Variants in CLPSL1 observed in about 807,000 individuals in gnomAD.
CLPSL1 encodes colipase like 1, also known as colipase-like protein 1.
In CLPSL1, 13 loss-of-function variants were observed where a neutral mutation model predicts 9.3. The ratio of observed to expected loss-of-function variants is 1.40; its 90% CI spans 0.91 to 2.22. The LOEUF (loss-of-function observed/expected upper bound fraction) is 2.22. Ranked by LOEUF, CLPSL1 falls within the 30% of genes most tolerant of loss-of-function variation. CLPSL1 has a pLI of 0.00. For synonymous variants in CLPSL1, 58 were observed against 56.9 expected (o/e 1.02, Z -0.08); for missense variants, 164 against 146.6 (o/e 1.12, Z -0.61).
At chr6:35,785,946 CAAAAAAAAAA>C (rs35079833) in intron 1 of CLPSL1, among the ~76,000 whole-genome samples, 6 of 110,752 alleles carry the variant, frequency 5.4e-5, no homozygotes, top group Admixed American at 4.0e-4. Flanking sequence ...GAGACTTTGT[CAAAAAAAAAA>C]AAAAAAAAAG....
chr6:35,788,172 G>A (rs564939919), downstream of CLPSL1: 166 of 544,994 alleles, frequency 3.0e-4, no homozygotes, highest in South Asian at 2.4e-3. Flanking sequence ...CAGAGTTGGG[G>A]CCTGGGTGGG....
chr6:35,782,861 G>A lies in CLPSL1; in HGVS notation c.99+1652G>A, dbSNP rs184694524. Among the ~76,000 whole-genome samples the A allele has an allele frequency of 1.6e-4, 24 of 152,242 alleles. No individual in the cohort carries two copies. In the East Asian group the frequency reaches 4.1e-3, roughly 26 times the overall value. On this transcript the variant is annotated intron_variant, in intron 1 of 2. Transcript: ENST00000373861. ...GATGGAAGCAGGGAGGCCGGGAGGCGGCTATAGCCAATCCTCCTTTCCTGC... is the reference window on the plus strand; with the variant it reads ...GATGGAAGCAGGGAGGCCGGGAGGCAGCTATAGCCAATCCTCCTTTCCTGC...
At chr6:35,793,379 C>T (rs1228719432) in intron 1 of CLPSL1, 18 of 449,380 alleles carry the variant, frequency 4.0e-5, no homozygotes, top group Middle Eastern at 3.6e-4. Flanking sequence ...GAGCCGAGAT[C>T]GTGCCACTGC....
At chr6:35,784,796 A>G (rs916686528) in intron 1 of CLPSL1, among the ~76,000 whole-genome samples, 2 of 152,224 alleles carry the variant, frequency 1.3e-5, no homozygotes, top group Non-Finnish European at 2.9e-5. Context: ...AGCAACCTCA[A>G]TTCTTGCCTC....
At chr6:35,790,283 T>C (rs1768161287), downstream of CLPSL1, among the ~76,000 whole-genome samples, 1 of 152,248 alleles carries the variant, frequency 6.6e-6, no homozygotes. Flanking sequence ...GAATATAAAA[T>C]GCTTTAAAAC....
chr6:35,787,585 AC>A (rs1768108168), intron 2 of CLPSL1, among the ~76,000 whole-genome samples: 2 of 152,244 alleles, frequency 1.3e-5, no homozygotes, highest in South Asian at 2.1e-4. Flanking sequence ...TAAAGACAAG[AC>A]ATAGAGGTCC....
intron 1 of CLPSL1, among the ~76,000 whole-genome samples, chr6:35,783,607 C>T (rs1369729276): frequency 6.6e-5 from 10 of 151,616 alleles, no homozygotes; most frequent in Non-Finnish European, 5.9e-5. Flanking sequence ...GAGATCAAGA[C>T]CATCCTGGCT....
At chr6:35,790,296 AGTT>A (rs2151063026), downstream of CLPSL1, among the ~76,000 whole-genome samples, 1 of 152,402 alleles carries the variant, frequency 6.6e-6, no homozygotes, top group African/African-American at 2.4e-5. Flanking sequence ...TTTAAAACAA[AGTT>A]GTTAATTTTT....
downstream of CLPSL1, among the ~76,000 whole-genome samples, chr6:35,791,044 CAAAA>C (rs61127901): frequency 8.7e-6 from 1 of 114,808 alleles, no homozygotes; most frequent in Non-Finnish European, 1.9e-5. Context: ...GACTCTGTCT[CAAAA>C]AAAAAAAAAA....
intron 2 of CLPSL1, 35 bp from the exon 3 acceptor site, chr6:35,787,832 C>A: frequency 6.3e-7 from 1 of 1,594,762 alleles, no homozygotes; most frequent in Non-Finnish European, 8.6e-7. Flanking sequence ...GAAGAGCTGC[C>A]GCCAAGGTCG....
chr6:35,791,921 T>G (rs1318859761), downstream of CLPSL1, among the ~76,000 whole-genome samples: 6 of 150,972 alleles, frequency 4.0e-5, no homozygotes, highest in East Asian at 1.2e-3. Flanking sequence ...TACAAATAAA[T>G]AAATAAATAA....
intron 1 of CLPSL1, among the ~76,000 whole-genome samples, chr6:35,785,852 A>C (rs770674728): frequency 3.3e-4 from 50 of 150,316 alleles, no homozygotes; most frequent in Non-Finnish European, 6.5e-4. Flanking sequence ...CGGGAGGCTG[A>C]GCCAGGAGGA....
downstream of CLPSL1, among the ~76,000 whole-genome samples, chr6:35,790,903 C>A: frequency 6.6e-6 from 1 of 152,268 alleles, no homozygotes; most frequent in East Asian, 1.9e-4. Flanking sequence ...GCAACATAGC[C>A]GGTGGTGGCA....
At chr6:35,793,679 C>T (rs1768268317), downstream of CLPSL1, 1 of 442,848 alleles carries the variant, frequency 2.3e-6, no homozygotes, top group Non-Finnish European at 4.7e-6. Flanking sequence ...GCCATAATTA[C>T]TTGGGTTTTT....
rs751229353 is a variant in CLPSL1 at position 35,788,043 on chromosome 6, C to T, written c.*33C>T. The T allele has an allele frequency of 6.6e-7, 1 of 1,523,050 alleles. No individual in the cohort carries two copies. The highest frequency in any genetic ancestry group is 2.3e-5 in the East Asian group (1 of 44,094). The allele number at this position is 1,523,050 out of a possible 1,614,324, so 94.3% of individuals were successfully genotyped here. A position where few individuals can be genotyped will look rare whatever the true frequency, so the allele number is the denominator to read the frequency against. On this transcript the variant is annotated 3_prime_UTR_variant, in exon 3 of 3. Coordinates refer to ENST00000373861, the MANE Select transcript of CLPSL1 (RefSeq NM_001010886.5). ...TCCTTCTTGCTGCCTCCTCCTCCTC[C>T]ACCTGCTCTCCTCCCTACCCAGAGC...
intron 1 of CLPSL1, chr6:35,793,477 C>T (rs184351826): frequency 7.0e-5 from 33 of 471,488 alleles, no homozygotes; most frequent in African/African-American, 3.4e-4. Context: ...CTCCTTCTCC[C>T]GCCTTCCCAG....
chr6:35,781,498 A>T (rs1356752621), intron 1 of CLPSL1, among the ~76,000 whole-genome samples: 1 of 152,128 alleles, frequency 6.6e-6, no homozygotes, highest in Non-Finnish European at 1.5e-5. Flanking sequence ...ACACATTTTT[A>T]TTGAGCACCT....
In CLPSL1 at chr6:35,786,925, G is replaced by A. The variant is rs1170240339; in HGVS notation, c.100-73G>A. ...AGTCTGGGGAGGAGCCCCGTAGGGA[G>A]AAAGCCCCAGGCGGGGCGGCGAGGG... On this transcript the variant is annotated intron_variant, in intron 1 of 2. Transcript: ENST00000373861. 5.3e-6 allele frequency: 8 copies of A among 1,522,908 alleles called. No homozygotes were observed. The Admixed American group carries it at 9.8e-5, about 19-fold the overall frequency. 94.3% of individuals were successfully genotyped at this position (1,522,908 alleles called of 1,614,324 possible). A position where few individuals can be genotyped will look rare whatever the true frequency, so the allele number is the denominator to read the frequency against.
At position 35,787,065 on chromosome 6, in the gene CLPSL1, A is replaced by G. The variant is rs769362762; in HGVS notation, c.167A>G (p.Asn56Ser). Residue 56 changes from asparagine to serine, a missense_variant, in exon 2 of 3, where the codon AAT becomes AGT. Physicochemically the swap from Asn to Ser is conservative, Grantham distance 46. Transcript: ENST00000373861. Reference protein sequence around the residue: ...ETGCCQRAPDNCESHCAEKGS... With the variant: ...ETGCCQRAPDSCESHCAEKGS... ...GGCTGCTGCCAACGTGCTCCAGACA[A>G]TTGCGAGTCGCACTGCGCGGAGAAG... The G allele has an allele frequency of 1.2e-5, 19 of 1,607,146 alleles. No homozygotes were observed. The highest frequency in any genetic ancestry group is 1.5e-5 in the Non-Finnish European group (18 of 1,178,130).
Sources: allele counts gnomAD v4.1 joint callset (sites outside exome capture counted in the v4.1 genomes callset), GRCh38; gene constraint gnomAD v4.1.1; transcripts MANE v1.5; gene names NCBI Gene and HGNC (gene_info 2026-07-23, HGNC 2026-07-21).